The following PCDH7 variants were observed in gnomAD, a reference collection of about 807,000 sequenced individuals.
PCDH7 encodes protocadherin 7, also known as protocadherin-7.
A neutral mutation model predicts 58.9 loss-of-function variants in PCDH7; 17 were observed. The ratio of observed to expected loss-of-function variants is 0.29; its 90% confidence interval spans 0.20 to 0.43. The LOEUF (loss-of-function observed/expected upper bound fraction) is 0.43, where lower values mean the gene tolerates loss of function less well. PCDH7 is among the 20% of genes least tolerant of loss of function. The probability of loss-of-function intolerance (pLI) is 1.00; values close to 1 mark genes in which losing one functional copy is unlikely to be tolerated. For missense variants in PCDH7, 1,274 were observed against 1,441.0 expected (o/e 0.88, Z 1.88); for synonymous variants, 664 against 616.4 (o/e 1.08, Z -1.14).
At chr4:30,829,168 G>C (rs1226848509) in intron 1 of PCDH7, among the ~76,000 whole-genome samples, 2 of 151,952 alleles carry the variant, frequency 1.3e-5, no homozygotes, top group African/African-American at 4.8e-5. Context: ...TTGAGAAACT[G>C]ATCCTGGGAT....
At chr4:31,094,448 A>G (rs987464813) in intron 3 of PCDH7, among the ~76,000 whole-genome samples, 21 of 152,310 alleles carry the variant, frequency 1.4e-4, no homozygotes, top group Admixed American at 1.3e-4. Context: ...AGCATATCTT[A>G]AAGACTAAAA....
chr4:31,134,849 C>G (rs1017846542), intron 3 of PCDH7, among the ~76,000 whole-genome samples: 1 of 152,054 alleles, frequency 6.6e-6, no homozygotes, highest in Non-Finnish European at 1.5e-5. Context: ...GATGGTGATC[C>G]CAAAGTTCTA....
chr4:30,744,385 G>A lies in PCDH7; in HGVS notation c.70+19789G>A, dbSNP rs1181796346. ...GTGTCTCCATTAACCTATATGATTCGAAATAAGGTGGGACCATAAGTAAGA... is the reference window on the plus strand; with the variant it reads ...GTGTCTCCATTAACCTATATGATTCAAAATAAGGTGGGACCATAAGTAAGA... On this transcript the variant is annotated intron_variant, in intron 1 of 3. Transcript: ENST00000509759. Among the ~76,000 whole-genome samples the A allele has an allele frequency of 3.9e-5, 6 of 152,092 alleles. No homozygotes were observed. The South Asian group carries it at 1.0e-3, about 26-fold the overall frequency.
downstream of PCDH7, among the ~76,000 whole-genome samples, chr4:30,735,610 T>C (rs1716141047): frequency 6.6e-6 from 1 of 152,164 alleles, no homozygotes; most frequent in African/African-American, 2.4e-5. Flanking sequence ...CAGAGATCAA[T>C]AGTCCTTAAG....
chr4:31,083,608 T>C (rs1711912205), intron 3 of PCDH7, among the ~76,000 whole-genome samples: 1 of 152,206 alleles, frequency 6.6e-6, no homozygotes, highest in Non-Finnish European at 1.5e-5. Flanking sequence ...AATCTTGACA[T>C]TCAAAGGAGA....
downstream of PCDH7, among the ~76,000 whole-genome samples, chr4:30,733,255 C>A (rs1577577924): frequency 4.6e-5 from 7 of 152,270 alleles, no homozygotes; most frequent in South Asian, 1.5e-3. Context: ...TTCTCCATTT[C>A]AAAATCTGAG....
intron 1 of PCDH7, among the ~76,000 whole-genome samples, chr4:30,745,810 A>G (rs1717701921): frequency 6.6e-6 from 1 of 151,900 alleles, no homozygotes; most frequent in African/African-American, 2.4e-5. Context: ...ATGCACATAT[A>G]ATTTTTCTTC....
chr4:30,820,346 T>C (rs901721361), intron 1 of PCDH7, among the ~76,000 whole-genome samples: 1 of 152,156 alleles, frequency 6.6e-6, no homozygotes, highest in Non-Finnish European at 1.5e-5. Context: ...AAAATAGTTC[T>C]TTTTGTAACT....
intron 1 of PCDH7, among the ~76,000 whole-genome samples, chr4:30,895,429 A>G (rs1160642032): frequency 1.3e-5 from 2 of 152,160 alleles, no homozygotes; most frequent in African/African-American, 2.4e-5. Flanking sequence ...CAGTGTGGCT[A>G]TAGGAACATA....
intron 1 of PCDH7, among the ~76,000 whole-genome samples, chr4:30,876,892 C>T (rs1390898625): frequency 6.6e-6 from 1 of 151,994 alleles, no homozygotes; most frequent in Non-Finnish European, 1.5e-5. Context: ...TGTCCTAATG[C>T]TCTCTGTCCC....
At chr4:30,887,871 G>GTT (rs57677033) in intron 1 of PCDH7, among the ~76,000 whole-genome samples, 3 of 146,216 alleles carry the variant, frequency 2.1e-5, no homozygotes, top group African/African-American at 2.5e-5. Context: ...TTTCTTTTTG[G>GTT]TTTTTTTTTT....
intron 1 of PCDH7, 61 bp downstream of exon 1, chr4:30,724,657 T>C (rs779002068): frequency 3.1e-5 from 47 of 1,536,924 alleles, no homozygotes; most frequent in Non-Finnish European, 4.0e-5. Flanking sequence ...CTGAGACAGA[T>C]TATCTTCTGT....
chr4:30,798,001 C>T (rs1236569718), intron 1 of PCDH7, among the ~76,000 whole-genome samples: 1 of 152,142 alleles, frequency 6.6e-6, no homozygotes, highest in Non-Finnish European at 1.5e-5. Context: ...TTTTGTGTTA[C>T]TCAGGATCTA....
chr4:30,797,048 C>T (rs1724874408), intron 1 of PCDH7, among the ~76,000 whole-genome samples: 1 of 152,000 alleles, frequency 6.6e-6, no homozygotes, highest in African/African-American at 2.4e-5. Context: ...GCAACCTCCG[C>T]CTCTCGGACT....
intron 3 of PCDH7, among the ~76,000 whole-genome samples, chr4:31,020,727 CAGT>C (rs1466006621): frequency 1.3e-5 from 2 of 152,226 alleles, no homozygotes; most frequent in African/African-American, 4.8e-5. Flanking sequence ...AGTAAATTAA[CAGT>C]AGGATTCTCT....
chr4:30,975,080 A>G (rs892670195), intron 3 of PCDH7, among the ~76,000 whole-genome samples: 1 of 151,776 alleles, frequency 6.6e-6, no homozygotes, highest in Non-Finnish European at 1.5e-5. Flanking sequence ...AGTCCCCCTG[A>G]GGAGGAGAGA....
intron 3 of PCDH7, among the ~76,000 whole-genome samples, chr4:31,093,769 C>A (rs1378842058): frequency 5.3e-5 from 8 of 151,974 alleles, no homozygotes; most frequent in Admixed American, 2.6e-4. Flanking sequence ...GAAAGGCAAC[C>A]ACATGAGCCA....
intron 3 of PCDH7, among the ~76,000 whole-genome samples, chr4:30,979,603 T>A (rs76283026): frequency 6.6e-6 from 1 of 152,034 alleles, no homozygotes; most frequent in East Asian, 1.9e-4. Flanking sequence ...AACATCACTC[T>A]ACTGACATGC....
At chr4:31,146,350 A>AAAATAAAT (rs145102344), downstream of PCDH7, 6 of 149,868 alleles carry the variant, frequency 4.0e-5, no homozygotes, top group Non-Finnish European at 7.4e-5. Context: ...TCCTTAAGCA[A>AAAATAAAT]AAATAAATAA....
Sources: gnomAD v4.1 joint callset for allele counts (sites outside exome capture counted in the v4.1 genomes callset) on GRCh38, gnomAD v4.1.1 for gene constraint, MANE v1.5 for transcripts, NCBI Gene and HGNC (gene_info 2026-07-23, HGNC 2026-07-21) for gene names.